GRID2IP: variants seen among roughly 807,000 people sequenced by gnomAD.
GRID2IP encodes the protein Grid2 interacting protein.
In GRID2IP, 78 loss-of-function variants were observed where a neutral mutation model predicts 114.3. The observed-to-expected ratio is 0.68, with a 90% CI of 0.57 to 0.82. The LOEUF (loss-of-function observed/expected upper bound fraction) is 0.82, where lower values mean the gene tolerates loss of function less well. GRID2IP is among the 40% of genes least tolerant of loss of function. The pLI, the probability that GRID2IP is intolerant of heterozygous loss-of-function variation, is 0.00. For synonymous variants in GRID2IP, 809 were observed against 724.0 expected, an observed-to-expected ratio of 1.12 and a Z score of -1.89; for missense variants, 1,727 against 1,678.5, an observed-to-expected ratio of 1.03 and a Z score of -0.51.
chr7:6,517,688 G>C (rs963621725), intron 7 of GRID2IP, among the ~76,000 whole-genome samples: 3 of 151,988 alleles, frequency 2.0e-5, no homozygotes, highest in African/African-American at 7.3e-5. Context: ...GGGATCACCT[G>C]AGTCAGGAGT....
In GRID2IP at chr7:6,521,351, G is replaced by C; in HGVS notation, c.1084+78C>G. ...GTTTAGGGGAAGAGCTGAGTCCTCC[G>C]CACTGTGACTCTCACATATAGCAGC... On this transcript the variant is annotated intron_variant, in intron 6 of 21. Transcript: ENST00000457091. The surrounding 1 kb of genome is among the most constrained non-coding windows in gnomAD (Gnocchi z 4.1). The C allele has an allele frequency of 1.9e-6, 2 of 1,041,900 alleles. No individual in the cohort carries two copies. Among genetic ancestry groups the C allele is most frequent in the South Asian group, 1.6e-5 (1 of 61,420 alleles). The allele number at this position is 1,041,900 out of a possible 1,614,324, so 64.5% of individuals were successfully genotyped here.
chr7:6,526,819 C>G lies in GRID2IP; in HGVS notation c.585-50G>C. On this transcript the variant is annotated intron_variant, in intron 2 of 21. Coordinates refer to ENST00000457091, the MANE Select transcript of GRID2IP (RefSeq NM_001145118.2). The surrounding 1 kb of genome is among the most constrained non-coding windows in gnomAD (Gnocchi z 7.6). The stretch of plus-strand genomic sequence containing the variant: ...GGGCGCGTTCCCGGACCCCGGATCT[C>G]TGCAAACCGCGGCCCGAAGGCGCGT... 2 of 1,430,734 alleles carry G rather than the reference C, an allele frequency of 1.4e-6. No individual in the cohort carries two copies. Among genetic ancestry groups the G allele is most frequent in the Non-Finnish European group, 9.1e-7 (1 of 1,093,236 alleles). The allele number at this position is 1,430,734 out of a possible 1,614,324, so 88.6% of individuals were successfully genotyped here. A position where few individuals can be genotyped will look rare whatever the true frequency, so the allele number is the denominator to read the frequency against.
In GRID2IP at chr7:6,497,845, G is replaced by A. The variant is rs954336103; in HGVS notation, c.3565C>T (p.Arg1189Ter). The A allele has an allele frequency of 7.7e-6, 12 of 1,549,346 alleles. No homozygotes were observed. Among genetic ancestry groups the A allele is most frequent in the African/African-American group, 1.4e-5 (1 of 73,042 alleles). Reference sequence around the variant, plus strand: ...CCGGCCTGCAGGTCACTCAGCGCTCGCTGGGGAGGGGGAACACAGAGGTAG... The same window carrying A: ...CCGGCCTGCAGGTCACTCAGCGCTCACTGGGGAGGGGGAACACAGAGGTAG... ...IFAEFMSKFE[R>*]ALSDLQAGEG... The change falls in exon 22 of 22, where the codon CGA (arginine) becomes TGA (stop). Residue 1189 changes from arginine (R) to a stop codon, truncating the protein, a stop_gained and splice_region_variant. Coordinates refer to ENST00000457091, the MANE Select transcript of GRID2IP (RefSeq NM_001145118.2). LOFTEE classifies it high-confidence loss of function.
rs1213743261 is a variant in GRID2IP at position 6,523,846 on chromosome 7, C to T, written c.920-1889G>A. ...GCCACACCTGGATTCTAACAAGGCC[C>T]TAGGCCAGGTATCTCTGGCTACACA... On this transcript the variant is annotated intron_variant, in intron 4 of 21. Coordinates refer to ENST00000457091, the MANE Select transcript of GRID2IP (RefSeq NM_001145118.2). The surrounding 1 kb of genome is among the most constrained non-coding windows in gnomAD (Gnocchi z 4.5). Among the ~76,000 whole-genome samples, 2 of 152,130 alleles carry T rather than the reference C, an allele frequency of 1.3e-5. No homozygotes were observed. The highest frequency in any genetic ancestry group is 1.5e-5 in the Non-Finnish European group (1 of 68,026).
Position 6,539,867 on chromosome 7 carries a change from A to C in GRID2IP, c.435T>G (p.Asp145Glu). The change falls in exon 2 of 22, where the codon GAT becomes GAG. Residue 145 changes from aspartate to glutamate, a missense_variant. Transcript: ENST00000457091. ...CAGTTGGCTGGTCCCCCAAGATTTCATCCACCTGCAAGGAGGAGTCCTGTG... is the reference window on the plus strand; with the variant it reads ...CAGTTGGCTGGTCCCCCAAGATTTCCTCCACCTGCAAGGAGGAGTCCTGTG... ...RKAQEFSRKVDEILGDQPTAK... is the reference protein window; with the variant it reads ...RKAQEFSRKVEEILGDQPTAK... The C allele has an allele frequency of 6.4e-7, 1 of 1,550,936 alleles. No individual in the cohort carries two copies. The highest frequency in any genetic ancestry group is 8.7e-7 in the Non-Finnish European group (1 of 1,146,648).
intron 15 of GRID2IP, among the ~76,000 whole-genome samples, chr7:6,504,049 A>T (rs1786501007): frequency 6.8e-6 from 1 of 146,952 alleles, no homozygotes; most frequent in South Asian, 2.2e-4. Flanking sequence ...GGGGCAGGGG[A>T]CAAGGGAAGC....
At chr7:6,502,287 C>A (rs574566167) in intron 18 of GRID2IP, among the ~76,000 whole-genome samples, 169 bp from the exon 19 acceptor site, 71 of 152,072 alleles carry the variant, frequency 4.7e-4, no homozygotes, top group African/African-American at 1.6e-3. Context: ...TGCAGTGGCT[C>A]CATCATAACT....
intron 2 of GRID2IP, chr7:6,530,917 T>A (rs1348116869): frequency 6.3e-6 from 3 of 474,318 alleles, no homozygotes; most frequent in African/African-American, 6.1e-5. Flanking sequence ...TCCCTGGGCC[T>A]CGGGCTCCGC....
rs928343161 is a variant in GRID2IP at position 6,516,510 on chromosome 7, G to A, written c.1269-1981C>T. 2.6e-5 allele frequency among the ~76,000 whole-genome samples: 4 copies of A among 152,096 alleles called. No individual in the cohort carries two copies. The highest frequency in any genetic ancestry group is 9.7e-5 in the African/African-American group (4 of 41,422). On this transcript the variant is annotated intron_variant, in intron 7 of 21. Transcript: ENST00000457091. This position sits in a 1 kb window ranked among gnomAD's most constrained non-coding sequence, Gnocchi z 4.3. Reference sequence around the variant, plus strand: ...TTATGCCTGGACAGGGCCACTAGAGGGCTCCCTGGTCTACTGGTAACGCCA... The same window carrying A: ...TTATGCCTGGACAGGGCCACTAGAGAGCTCCCTGGTCTACTGGTAACGCCA...
chr7:6,505,577 C>T (rs1786553460), intron 14 of GRID2IP, among the ~76,000 whole-genome samples: 1 of 152,118 alleles, frequency 6.6e-6, no homozygotes. Flanking sequence ...CCACGTTGCC[C>T]AGGCTGGTCT....
chr7:6,501,943 C>A lies in GRID2IP; in HGVS notation c.3281-44G>T. 1.3e-6 allele frequency: 2 copies of A among 1,550,826 alleles called. 1 individual carries two copies. Among genetic ancestry groups the A allele is most frequent in the Admixed American group, 3.9e-5 (2 of 50,928 alleles). On this transcript the variant is annotated intron_variant, in intron 19 of 21. Transcript: ENST00000457091. ...GGGCTGCATGGGGCCACTCTCCCAG[C>A]CCAGGACAGCATGCCTCTGCCTCCC...
chr7:6,529,801 A>G (rs999997132), intron 2 of GRID2IP, among the ~76,000 whole-genome samples: 1 of 152,144 alleles, frequency 6.6e-6, no homozygotes, highest in Non-Finnish European at 1.5e-5. Context: ...GGCCTCTCTC[A>G]GGCCACAGGA....
At chr7:6,510,106 A>G (rs1583337434) in intron 11 of GRID2IP, among the ~76,000 whole-genome samples, 177 bp downstream of exon 11, 1 of 152,286 alleles carries the variant, frequency 6.6e-6, no homozygotes, top group East Asian at 1.9e-4. Context: ...CTGGGATTAC[A>G]GGCACGACCC....
In GRID2IP at chr7:6,497,858, A is replaced by C; in HGVS notation, c.3565-13T>G. 6.5e-7 allele frequency: 1 copy of C among 1,547,706 alleles called. No individual in the cohort carries two copies. The highest frequency in any genetic ancestry group is 8.7e-7 in the Non-Finnish European group (1 of 1,144,998). On this transcript the variant is annotated splice_polypyrimidine_tract_variant and intron_variant, in intron 21 of 21. Coordinates refer to ENST00000457091, the MANE Select transcript of GRID2IP (RefSeq NM_001145118.2). ...CACTCAGCGCTCGCTGGGGAGGGGG[A>C]ACACAGAGGTAGGGTGGTCAGTGGT...
chr7:6,526,346 A>AG lies in GRID2IP; in HGVS notation c.834-38dup, dbSNP rs1461691539. Reference sequence around the variant, plus strand: ...AGAAGGGGCGAGCAGCATGATGGAGAGGGGGCCCTGGGGCGCAGAGGTTGG... The same window carrying AG: ...AGAAGGGGCGAGCAGCATGATGGAGAGGGGGGCCCTGGGGCGCAGAGGTTGG... On this transcript the variant is annotated intron_variant, in intron 3 of 21. Coordinates refer to ENST00000457091, the MANE Select transcript of GRID2IP (RefSeq NM_001145118.2). This position sits in a 1 kb window ranked among gnomAD's most constrained non-coding sequence, Gnocchi z 7.6. 6.5e-7 allele frequency: 1 copy of AG among 1,539,024 alleles called. No homozygotes were observed. Among genetic ancestry groups the AG allele is most frequent in the Non-Finnish European group, 8.8e-7 (1 of 1,136,072 alleles).
intron 1 of GRID2IP, among the ~76,000 whole-genome samples, chr7:6,541,137 G>A (rs919468218): frequency 1.3e-5 from 2 of 151,578 alleles, no homozygotes; most frequent in Admixed American, 1.3e-4. Context: ...CTTCCACCAC[G>A]GCCTCCCAAG....
Position 6,536,995 on chromosome 7 carries a change from A to T in GRID2IP, c.584+2723T>A. 1.3e-5 allele frequency: 2 copies of T among 156,466 alleles called. No homozygotes were observed. The highest frequency in any genetic ancestry group is 2.5e-5 in the Non-Finnish European group (2 of 79,764). 9.7% of individuals were successfully genotyped at this position (156,466 alleles called of 1,614,324 possible). A position where few individuals can be genotyped will look rare whatever the true frequency, so the allele number is the denominator to read the frequency against. The stretch of plus-strand genomic sequence containing the variant: ...GAGGGAGGGGCAGGCTGCGGGGTGA[A>T]TGGCAGCAAGGGGAGGGGGCGGGCT... On this transcript the variant is annotated intron_variant, in intron 2 of 21. Coordinates refer to ENST00000457091, the MANE Select transcript of GRID2IP (RefSeq NM_001145118.2). This position sits in a 1 kb window ranked among gnomAD's most constrained non-coding sequence, Gnocchi z 5.3.
At chr7:6,535,589 G>C (rs976029467) in intron 2 of GRID2IP, among the ~76,000 whole-genome samples, 1 of 152,068 alleles carries the variant, frequency 6.6e-6, no homozygotes, top group Non-Finnish European at 1.5e-5. Context: ...CTCTTGGTGG[G>C]GCACAGTGGC....
chr7:6,551,011 G>T lies in GRID2IP; in HGVS notation c.426C>A (p.Arg142=). Residue 142 remains arginine, a synonymous_variant, in exon 1 of 22, where the codon CGC becomes CGA. Transcript: ENST00000457091. ...ACCTCCCACCCCCGCGCCTTACCTTGCGGCTGAACTCTTGGGCCTTGCGCC... is the reference window on the plus strand; with the variant it reads ...ACCTCCCACCCCCGCGCCTTACCTTTCGGCTGAACTCTTGGGCCTTGCGCC... ...ERRRKAQEFS[R]KVDEILGDQP... 9.3e-7 allele frequency: 1 copy of T among 1,080,946 alleles called. No individual in the cohort carries two copies. Among genetic ancestry groups the T allele is most frequent in the Non-Finnish European group, 1.1e-6 (1 of 870,686 alleles). 67.0% of individuals were successfully genotyped at this position (1,080,946 alleles called of 1,614,324 possible). A position where few individuals can be genotyped will look rare whatever the true frequency, so the allele number is the denominator to read the frequency against.
Sources: allele counts gnomAD v4.1 joint callset (sites outside exome capture counted in the v4.1 genomes callset), GRCh38; gene constraint gnomAD v4.1.1; non-coding constraint Gnocchi (gnomAD v3.1); transcripts MANE v1.5; gene names NCBI Gene and HGNC (gene_info 2026-07-23, HGNC 2026-07-21).